SCFD2: variants seen among roughly 807,000 people sequenced by gnomAD.
SCFD2 encodes the protein sec1 family domain containing 2, also known as sec1 family domain-containing protein 2.
In SCFD2, 54 loss-of-function variants were observed where a neutral mutation model predicts 58.9. The observed-to-expected ratio is 0.92, with a 90% CI of 0.74 to 1.15. The LOEUF is 1.15. Ranked by LOEUF, SCFD2 falls within the 50% of genes most tolerant of loss-of-function variation. SCFD2 has a pLI of 0.00. For missense variants in SCFD2, 805 were observed against 836.6 expected, an observed-to-expected ratio of 0.96 and a Z score of 0.47; for synonymous variants, 321 against 335.9, an observed-to-expected ratio of 0.96 and a Z score of 0.49.
intron 2 of SCFD2, among the ~76,000 whole-genome samples, chr4:53,343,313 T>C (rs1733945104): frequency 6.6e-6 from 1 of 152,148 alleles, no homozygotes; most frequent in Non-Finnish European, 1.5e-5. Flanking sequence ...CATCAGAGAA[T>C]ACTATAAACA....
At chr4:53,167,016 G>T (rs2148932860) in intron 4 of SCFD2, among the ~76,000 whole-genome samples, 1 of 152,286 alleles carries the variant, frequency 6.6e-6, no homozygotes, top group South Asian at 2.1e-4. Context: ...ATCAGTATGT[G>T]ATACCATTAA....
intron 4 of SCFD2, among the ~76,000 whole-genome samples, chr4:53,193,013 C>T (rs1301598647): frequency 6.6e-6 from 1 of 152,040 alleles, no homozygotes. Context: ...TTAAAAACAA[C>T]CTCCTTATTG....
At chr4:52,927,957 G>A (rs1719899982) in intron 5 of SCFD2, among the ~76,000 whole-genome samples, 1 of 151,942 alleles carries the variant, frequency 6.6e-6, no homozygotes, top group African/African-American at 2.4e-5. Flanking sequence ...ATATTTCTGA[G>A]GTTTTATATT....
At chr4:53,354,534 G>A (rs867846813) in intron 1 of SCFD2, among the ~76,000 whole-genome samples, 5 of 152,318 alleles carry the variant, frequency 3.3e-5, no homozygotes, top group South Asian at 4.1e-4. Flanking sequence ...ACAGTGCAGC[G>A]GCAGGCTAAA....
chr4:53,078,570 T>G (rs1724049295), intron 5 of SCFD2, among the ~76,000 whole-genome samples: 1 of 152,190 alleles, frequency 6.6e-6, no homozygotes, highest in Non-Finnish European at 1.5e-5. Context: ...GGGCATTGAC[T>G]CTATGCGCTA....
At chr4:53,287,901 A>G (rs1361675169) in intron 3 of SCFD2, among the ~76,000 whole-genome samples, 3 of 152,142 alleles carry the variant, frequency 2.0e-5, no homozygotes, top group African/African-American at 7.2e-5. Context: ...ATCATAAAAA[A>G]GGACCAAACA....
intron 5 of SCFD2, among the ~76,000 whole-genome samples, chr4:53,006,594 T>C (rs1329011150): frequency 6.6e-6 from 1 of 152,224 alleles, no homozygotes; most frequent in Non-Finnish European, 1.5e-5. Flanking sequence ...CTGAAGCAGG[T>C]TGTTTTCTTC....
intron 1 of SCFD2, among the ~76,000 whole-genome samples, chr4:53,353,462 T>C (rs1168340359): frequency 1.3e-5 from 2 of 152,192 alleles, no homozygotes; most frequent in Non-Finnish European, 2.9e-5. Context: ...CCCAACCAGG[T>C]TGCCACTGCT....
At chr4:53,034,338 C>CTATTTATGACAAACCCACAACCAATA (rs1722701750) in intron 5 of SCFD2, among the ~76,000 whole-genome samples, 2 of 152,096 alleles carry the variant, frequency 1.3e-5, no homozygotes, top group Non-Finnish European at 2.9e-5. Context: ...ATACTAAGAG[C>CTATTTATGACAAACCCACAACCAATA]TATTTATGAC....
intron 5 of SCFD2, among the ~76,000 whole-genome samples, chr4:52,934,225 C>CCTCT (rs1720071075): frequency 6.6e-6 from 1 of 152,116 alleles, no homozygotes; most frequent in Non-Finnish European, 1.5e-5. Context: ...CAAGTGCTTG[C>CCTCT]CTCTCTCCCA....
At chr4:52,997,445 C>T (rs1721767513) in intron 5 of SCFD2, among the ~76,000 whole-genome samples, 1 of 152,204 alleles carries the variant, frequency 6.6e-6, no homozygotes. Flanking sequence ...CTCATCCTTC[C>T]CAGGAGCACG....
In SCFD2 at chr4:53,267,291, A is replaced by G. The variant is rs556574110; in HGVS notation, c.1311+6535T>C. The stretch of plus-strand genomic sequence containing the variant: ...AACGAAAGGTTGTCCTCATGCTCAA[A>G]ATAAACACAAATGCCCTACTTTCAA... On this transcript the variant is annotated intron_variant, in intron 4 of 8. Coordinates refer to ENST00000401642, the MANE Select transcript of SCFD2 (RefSeq NM_152540.4). Among the ~76,000 whole-genome samples the G allele has an allele frequency of 9.8e-5, 15 of 152,310 alleles. No homozygotes were observed. In the South Asian group the frequency reaches 3.1e-3, roughly 32 times the overall value.
intron 4 of SCFD2, among the ~76,000 whole-genome samples, chr4:53,157,255 A>G (rs1247151775): frequency 6.6e-6 from 1 of 151,444 alleles, no homozygotes; most frequent in Non-Finnish European, 1.5e-5. Context: ...AAAATCAGGC[A>G]TAGGCTAAAG....
intron 5 of SCFD2, among the ~76,000 whole-genome samples, chr4:52,959,858 G>A (rs1374498861): frequency 6.6e-6 from 1 of 151,484 alleles, no homozygotes; most frequent in Admixed American, 6.6e-5. Flanking sequence ...CAGTACATGA[G>A]GGAGGGAGGC....
chr4:53,214,422 T>C (rs1464124592), intron 4 of SCFD2, among the ~76,000 whole-genome samples: 2 of 152,176 alleles, frequency 1.3e-5, no homozygotes, highest in Non-Finnish European at 1.5e-5. Context: ...TGAGCATTTT[T>C]TTCATGTGTT....
At chr4:52,900,236 G>C (rs183129323) in intron 7 of SCFD2, among the ~76,000 whole-genome samples, 108 of 152,202 alleles carry the variant, frequency 7.1e-4, no homozygotes, top group African/African-American at 2.2e-3. Context: ...CTGATTTTTC[G>C]AGTTTCTGGT....
At chr4:53,095,649 C>G (rs1437364255) in intron 5 of SCFD2, among the ~76,000 whole-genome samples, 1 of 152,138 alleles carries the variant, frequency 6.6e-6, no homozygotes. Context: ...ACATTTCATT[C>G]AGGGTTAAAA....
intron 5 of SCFD2, among the ~76,000 whole-genome samples, chr4:52,985,990 G>A (rs1369777767): frequency 6.6e-6 from 1 of 152,084 alleles, no homozygotes; most frequent in Non-Finnish European, 1.5e-5. Context: ...ACACTGAGAG[G>A]ACAGAATTAG....
chr4:53,195,689 A>T, intron 4 of SCFD2, among the ~76,000 whole-genome samples: 1 of 152,214 alleles, frequency 6.6e-6, no homozygotes, highest in Non-Finnish European at 1.5e-5. Context: ...CAACTGATTC[A>T]GTACTACCTG....
Sources: gnomAD v4.1 joint callset for allele counts (sites outside exome capture counted in the v4.1 genomes callset) on GRCh38, gnomAD v4.1.1 for gene constraint, MANE v1.5 for transcripts, NCBI Gene and HGNC (gene_info 2026-07-23, HGNC 2026-07-21) for gene names.